NYAP2: variants seen among roughly 807,000 people sequenced by gnomAD.
The protein encoded by NYAP2 is neuronal tyrosine-phosphorylated phosphoinositide-3-kinase adapter 2.
NYAP2 carries 23 observed loss-of-function variants against 50.4 expected under a neutral mutation model. The observed-to-expected ratio is 0.46, with a 90% confidence interval of 0.33 to 0.65. The LOEUF (loss-of-function observed/expected upper bound fraction) is 0.65, where lower values mean the gene tolerates loss of function less well. Ranked by LOEUF, NYAP2 falls within the 30% of genes least tolerant of loss-of-function variation. NYAP2 has a pLI of 0.02. For synonymous variants in NYAP2, 394 were observed against 365.2 expected (o/e 1.08, Z -0.90); for missense variants, 885 against 861.0 (o/e 1.03, Z -0.35).
intron 6 of NYAP2, among the ~76,000 whole-genome samples, chr2:225,631,167 T>G (rs747166906): frequency 2.6e-4 from 40 of 152,212 alleles, no homozygotes; most frequent in Admixed American, 3.3e-4. Context: ...TTTGAACACT[T>G]AGTAAGTTAC....
chr2:225,635,056 C>G (rs1407296800), intron 6 of NYAP2, among the ~76,000 whole-genome samples: 2 of 152,186 alleles, frequency 1.3e-5, no homozygotes, highest in Admixed American at 6.5e-5. Flanking sequence ...ACTGAAATGA[C>G]TGGCTAACTT....
intron 5 of NYAP2, among the ~76,000 whole-genome samples, chr2:225,620,522 G>A (rs981939601): frequency 6.6e-6 from 1 of 151,868 alleles, no homozygotes; most frequent in Non-Finnish European, 1.5e-5. Context: ...TGAAAAAACA[G>A]ATTTATTCCC....
intron 6 of NYAP2, among the ~76,000 whole-genome samples, chr2:225,647,546 C>T (rs1341347601): frequency 6.6e-6 from 1 of 152,090 alleles, no homozygotes; most frequent in Non-Finnish European, 1.5e-5. Flanking sequence ...GGAATCACTG[C>T]CATGGTAAGT....
chr2:225,552,221 C>A (rs1198438409), intron 4 of NYAP2, among the ~76,000 whole-genome samples: 1 of 152,130 alleles, frequency 6.6e-6, no homozygotes, highest in Non-Finnish European at 1.5e-5. Flanking sequence ...TTTGCTTCCT[C>A]TATTAGACCA....
the NYAP2 span, among the ~76,000 whole-genome samples, chr2:225,668,165 G>A: frequency 6.6e-6 from 1 of 152,124 alleles, no homozygotes; most frequent in African/African-American, 2.4e-5. Flanking sequence ...AACCTCATTA[G>A]TCTTTCAAGA....
At chr2:225,570,056 T>A (rs375539011) in intron 4 of NYAP2, among the ~76,000 whole-genome samples, 1 of 152,334 alleles carries the variant, frequency 6.6e-6, no homozygotes, top group East Asian at 1.9e-4. Flanking sequence ...AGGCTATGTC[T>A]AATGGACATC....
chr2:225,634,632 A>T (rs1197512236), intron 6 of NYAP2, among the ~76,000 whole-genome samples: 1 of 152,254 alleles, frequency 6.6e-6, no homozygotes, highest in Non-Finnish European at 1.5e-5. Context: ...CATAAGGTAT[A>T]ATGCAGTGGT....
At chr2:225,611,647 T>C (rs977346213) in intron 5 of NYAP2, among the ~76,000 whole-genome samples, 1 of 152,060 alleles carries the variant, frequency 6.6e-6, no homozygotes, top group Admixed American at 6.6e-5. Flanking sequence ...TCATCTCTTC[T>C]TGTAGCTCTT....
At position 225,582,697 on chromosome 2, in the gene NYAP2, A is replaced by G. The variant is rs760306636; in HGVS notation, c.1280A>G (p.His427Arg). The change falls in exon 5 of 7, where the codon CAT (histidine) becomes CGT (arginine). Residue 427 changes from histidine (H) to arginine (R), a missense_variant. His to Arg is a conservative substitution (Grantham distance 29). Coordinates refer to ENST00000636099, the Ensembl canonical transcript of NYAP2. This position sits in a 1 kb window ranked among gnomAD's most constrained non-coding sequence, Gnocchi z 7.0. ...ACGCTGTACCGAACCCAGTCTCCCC[A>G]TGGCTACCCTAAAAGTCACTCCACC... The G allele has an allele frequency of 1.8e-5, 29 of 1,598,758 alleles. No individual in the cohort carries two copies. The highest frequency in any genetic ancestry group is 2.3e-5 in the Non-Finnish European group (27 of 1,172,538).
intron 4 of NYAP2, among the ~76,000 whole-genome samples, chr2:225,581,540 T>C (rs573710685): frequency 6.6e-6 from 1 of 152,358 alleles, no homozygotes; most frequent in Non-Finnish European, 1.5e-5. Context: ...TTTTGACCAA[T>C]AGTGCTAACA....
intron 5 of NYAP2, among the ~76,000 whole-genome samples, chr2:225,612,852 C>CACCCAATGTGTGTGATGAA (rs1446876319): frequency 6.8e-6 from 1 of 146,086 alleles, no homozygotes; most frequent in Non-Finnish European, 1.5e-5. Flanking sequence ...GATGACATCA[C>CACCCAATGTGTGTGATGAA]ATCTGGGTCT....
intron 4 of NYAP2, among the ~76,000 whole-genome samples, chr2:225,555,159 C>T (rs990542808): frequency 1.3e-5 from 2 of 151,892 alleles, no homozygotes; most frequent in African/African-American, 2.4e-5. Context: ...AGCTTTTTTT[C>T]CCAGAAGGAT....
chr2:225,614,961 T>A (rs1014973843), intron 5 of NYAP2, among the ~76,000 whole-genome samples: 2 of 152,216 alleles, frequency 1.3e-5, no homozygotes, highest in African/African-American at 4.8e-5. Context: ...TGGGCTACTC[T>A]TCCAGGTTAT....
rs1199601922 is a variant in NYAP2, at chr2:225,497,680, A to C, written c.222-15691A>C. ...TACTACCTCACTGGATAAATGAATG[A>C]ATCTATTGGGAAATGAATTCTCTAG... is the stretch of plus-strand genomic sequence containing the variant. On this transcript the variant is annotated intron_variant, in intron 3 of 6. Transcript: ENST00000636099. Among the ~76,000 whole-genome samples, 11 of 152,210 alleles carry C rather than the reference A, an allele frequency of 7.2e-5. No individual in the cohort carries two copies. The East Asian group carries it at 7.7e-4, about 11-fold the overall frequency.
At chr2:225,654,265 G>C (rs1234620899), downstream of NYAP2, among the ~76,000 whole-genome samples, 1 of 151,920 alleles carries the variant, frequency 6.6e-6, no homozygotes, top group Non-Finnish European at 1.5e-5. Flanking sequence ...CAATCCCTCT[G>C]GTCACTTTTT....
intron 5 of NYAP2, among the ~76,000 whole-genome samples, chr2:225,591,768 C>G (rs541025774): frequency 3.7e-4 from 56 of 152,290 alleles, no homozygotes; most frequent in African/African-American, 1.3e-3. Flanking sequence ...TGATCAATCT[C>G]TCCAAAATTC....
chr2:225,404,957 T>C (rs760274497), intron 2 of NYAP2, among the ~76,000 whole-genome samples: 1 of 152,020 alleles, frequency 6.6e-6, no homozygotes, highest in Non-Finnish European at 1.5e-5. Context: ...AAATTTTAAA[T>C]GTTGGCCACA....
At chr2:225,669,194 A>C in the NYAP2 span, among the ~76,000 whole-genome samples, 2 of 152,098 alleles carry the variant, frequency 1.3e-5, no homozygotes, top group African/African-American at 4.8e-5. Context: ...TGGTACATGA[A>C]CATACAGAGC....
the NYAP2 span, among the ~76,000 whole-genome samples, chr2:225,680,065 T>C: frequency 6.6e-6 from 1 of 152,154 alleles, no homozygotes; most frequent in African/African-American, 2.4e-5. Context: ...ACTATGACTG[T>C]TCAGTTTCCC....
Sources: gnomAD v4.1 joint callset for allele counts (sites outside exome capture counted in the v4.1 genomes callset) on GRCh38, gnomAD v4.1.1 for gene constraint, Gnocchi (gnomAD v3.1) non-coding constraint, MANE v1.5 for transcripts, NCBI Gene and HGNC (gene_info 2026-07-23, HGNC 2026-07-21) for gene names.